SYNPR: variants seen among roughly 807,000 people sequenced by gnomAD.
SYNPR encodes the protein synaptoporin.
SYNPR carries 23 observed loss-of-function variants against 32.9 expected under a neutral mutation model. The ratio of observed to expected loss-of-function variants is 0.70; its 90% CI spans 0.50 to 0.99. SYNPR has a LOEUF of 0.99. Ranked by LOEUF, SYNPR falls within the 50% of genes least tolerant of loss-of-function variation. The pLI, the probability that SYNPR is intolerant of heterozygous loss-of-function variation, is 0.00. For synonymous variants in SYNPR, 146 were observed against 135.9 expected (o/e 1.07, Z -0.52); for missense variants, 318 against 349.3 (o/e 0.91, Z 0.71).
intron 3 of SYNPR, among the ~76,000 whole-genome samples, chr3:63,532,533 T>C (rs983374588): frequency 6.6e-6 from 1 of 152,222 alleles, no homozygotes; most frequent in Non-Finnish European, 1.5e-5. Flanking sequence ...AAAATGAGTA[T>C]CTGTTTTCGA....
At chr3:63,262,981 G>C (rs2086452260) in intron 2 of SYNPR, among the ~76,000 whole-genome samples, 2 of 152,136 alleles carry the variant, frequency 1.3e-5, no homozygotes, top group South Asian at 4.2e-4. Context: ...AAAGTCAAAT[G>C]CTTACAGTGG....
intron 2 of SYNPR, among the ~76,000 whole-genome samples, chr3:63,333,559 G>A (rs1211207581): frequency 6.6e-6 from 1 of 152,038 alleles, no homozygotes; most frequent in African/African-American, 2.4e-5. Flanking sequence ...TGGGACTATA[G>A]GCACACACCA....
chr3:63,560,030 T>C (rs1422525649), intron 4 of SYNPR, among the ~76,000 whole-genome samples: 1 of 152,228 alleles, frequency 6.6e-6, no homozygotes, highest in Non-Finnish European at 1.5e-5. Flanking sequence ...TGTAAAGGCA[T>C]GCTGCTTTAT....
At position 63,609,268 on chromosome 3, in the gene SYNPR, A is replaced by G; in HGVS notation, c.552A>G (p.Lys184=). 6.2e-7 allele frequency: 1 copy of G among 1,604,178 alleles called. No individual in the cohort carries two copies. The highest frequency in any genetic ancestry group is 8.5e-7 in the Non-Finnish European group (1 of 1,174,914). Residue 184 remains lysine (K), a synonymous_variant, in exon 5 of 6, where the codon AAA becomes AAG. Coordinates refer to ENST00000478300, the MANE Select transcript of SYNPR (RefSeq NM_001130003.2). Reference sequence around the variant, plus strand: ...CAGCTTGCAAACAGCCATCCAACAAATGCATGGCTATCCACAGCCCTGTTA... The same window carrying G: ...CAGCTTGCAAACAGCCATCCAACAAGTGCATGGCTATCCACAGCCCTGTTA... ...LMSACKQPSN[K]CMAIHSPVMS...
At chr3:63,566,830 C>T (rs1422238266) in intron 4 of SYNPR, among the ~76,000 whole-genome samples, 2 of 152,160 alleles carry the variant, frequency 1.3e-5, no homozygotes, top group Non-Finnish European at 2.9e-5. Context: ...AGAACAACAC[C>T]AGGCACTCAG....
chr3:63,312,341 T>G (rs1439914958), intron 2 of SYNPR, among the ~76,000 whole-genome samples: 1 of 151,992 alleles, frequency 6.6e-6, no homozygotes, highest in African/African-American at 2.4e-5. Context: ...ATTAAAACTA[T>G]AAATTCACAG....
chr3:63,508,293 A>G (rs1701628462), intron 3 of SYNPR, among the ~76,000 whole-genome samples: 2 of 152,316 alleles, frequency 1.3e-5, no homozygotes, highest in South Asian at 4.1e-4. Flanking sequence ...CTCTATGCAC[A>G]AAACTGACAA....
chr3:63,484,418 G>C (rs1701105691), intron 3 of SYNPR, among the ~76,000 whole-genome samples: 1 of 152,032 alleles, frequency 6.6e-6, no homozygotes, highest in Non-Finnish European at 1.5e-5. Flanking sequence ...CTCATTTTAA[G>C]GTATTTAATA....
rs1701743734 is a variant in SYNPR, at chr3:63,513,931, A to T, written c.209+32975A>T. ...AAATGAAGCCCTTTATATTTAATTC[A>T]TAAACCTTCTGGAAGTGCCCATAAT... On this transcript the variant is annotated intron_variant, in intron 3 of 5. Coordinates refer to ENST00000478300, the MANE Select transcript of SYNPR (RefSeq NM_001130003.2). 2.0e-5 allele frequency among the ~76,000 whole-genome samples: 3 copies of T among 152,110 alleles called. No homozygotes were observed. In the South Asian group the frequency reaches 6.2e-4, roughly 32 times the overall value.
intron 2 of SYNPR, among the ~76,000 whole-genome samples, chr3:63,366,316 A>G (rs2087729222): frequency 1.3e-5 from 2 of 152,076 alleles, no homozygotes; most frequent in Admixed American, 6.6e-5. Flanking sequence ...TAAGAGGAAT[A>G]TTTATGGTTT....
chr3:63,385,068 C>T (rs1289904340), intron 2 of SYNPR, among the ~76,000 whole-genome samples: 1 of 152,170 alleles, frequency 6.6e-6, no homozygotes, highest in Non-Finnish European at 1.5e-5. Flanking sequence ...TGCTTACAAA[C>T]TTCAGTCATC....
At chr3:63,223,268 C>T in the SYNPR span, among the ~76,000 whole-genome samples, 127 of 150,816 alleles carry the variant, frequency 8.4e-4, no homozygotes, top group Non-Finnish European at 1.4e-3. Flanking sequence ...GGAGCAAGCC[C>T]TCATAATGTC....
intron 2 of SYNPR, among the ~76,000 whole-genome samples, chr3:63,308,562 T>TA (rs992133882): frequency 5.9e-5 from 9 of 151,948 alleles, no homozygotes; most frequent in African/African-American, 2.2e-4. Flanking sequence ...CTTTGTTTTC[T>TA]AAAGAAATTT....
chr3:63,592,193 G>A (rs1242214585), intron 4 of SYNPR, among the ~76,000 whole-genome samples: 1 of 152,138 alleles, frequency 6.6e-6, no homozygotes, highest in Admixed American at 6.6e-5. Context: ...AACTGGGAGA[G>A]GAGCATGGGA....
At chr3:63,503,955 A>G (rs1230075936) in intron 3 of SYNPR, among the ~76,000 whole-genome samples, 1 of 152,142 alleles carries the variant, frequency 6.6e-6, no homozygotes, top group Non-Finnish European at 1.5e-5. Context: ...TTAACAGATT[A>G]TAGAAGATTA....
At chr3:63,262,027 T>TA (rs5849542) in intron 2 of SYNPR, among the ~76,000 whole-genome samples, 1,971 of 149,164 alleles carry the variant, frequency 0.013, 39 homozygotes, top group African/African-American at 0.046. Flanking sequence ...TTAAGTATAA[T>TA]AAAAAAAAAA....
the SYNPR span, among the ~76,000 whole-genome samples, chr3:63,216,905 G>A: frequency 4.7e-5 from 2 of 42,332 alleles, 1 homozygote; most frequent in African/African-American, 1.6e-4. Context: ...TGTCCTTTCT[G>A]GTTGTTAGTT....
chr3:63,531,620 C>A (rs978858489), intron 3 of SYNPR, among the ~76,000 whole-genome samples: 18 of 152,082 alleles, frequency 1.2e-4, no homozygotes, highest in African/African-American at 4.3e-4. Flanking sequence ...TCAACAAAAG[C>A]TTTTTGGGAG....
At chr3:63,373,839 T>A (rs771558801) in intron 2 of SYNPR, among the ~76,000 whole-genome samples, 8 of 152,008 alleles carry the variant, frequency 5.3e-5, no homozygotes, top group Non-Finnish European at 1.0e-4. Flanking sequence ...GAGAAGGGGC[T>A]GGTCACCTAC....
Sources: allele counts gnomAD v4.1 joint callset (sites outside exome capture counted in the v4.1 genomes callset), GRCh38; gene constraint gnomAD v4.1.1; transcripts MANE v1.5; gene names NCBI Gene and HGNC (gene_info 2026-07-23, HGNC 2026-07-21).